The following SLC14A2 variants were observed in gnomAD, a reference collection of about 807,000 sequenced individuals.
SLC14A2 encodes solute carrier family 14 member 2.
SLC14A2 carries 91 observed loss-of-function variants against 104.6 expected under a neutral mutation model. That is an observed-to-expected ratio of 0.87 (90% CI 0.73 to 1.04). The LOEUF (loss-of-function observed/expected upper bound fraction) is 1.04, where lower values mean the gene tolerates loss of function less well. Among genes scored for constraint, SLC14A2 ranks in the 50% least tolerant of loss-of-function variants. SLC14A2 has a pLI of 0.00. For missense variants in SLC14A2, 1,189 were observed against 1,156.0 expected, an observed-to-expected ratio of 1.03 and a Z score of -0.41; for synonymous variants, 476 against 466.4, an observed-to-expected ratio of 1.02 and a Z score of -0.27.
At chr18:45,662,356 G>T (rs547476215) in intron 10 of SLC14A2, among the ~76,000 whole-genome samples, 15 of 152,170 alleles carry the variant, frequency 9.9e-5, no homozygotes, top group Non-Finnish European at 2.1e-4. Context: ...ATGCCCCACA[G>T]ACCCTCTTGT....
At chr18:45,648,602 C>T (rs7232215) in intron 10 of SLC14A2, among the ~76,000 whole-genome samples, 82,000 of 151,970 alleles carry the variant, frequency 0.54, 22,840 homozygotes, top group African/African-American at 0.68. Context: ...TTTTAACCTT[C>T]ATCATTTCTT....
chr18:45,376,504 G>A (rs1403283293), intron 1 of SLC14A2, among the ~76,000 whole-genome samples: 1 of 152,082 alleles, frequency 6.6e-6, no homozygotes, highest in Non-Finnish European at 1.5e-5. Flanking sequence ...GAGAATTAAG[G>A]GAAGTACAAA....
In SLC14A2 at chr18:45,682,192, T is replaced by A. The variant is rs534264792; in HGVS notation, c.2563-127T>A. ...GGCATGATTTTATTTATATTGGTCA[T>A]CAATGAAGTATCAATGCCCTCAAAG... is the stretch of plus-strand genomic sequence containing the variant. On this transcript the variant is annotated intron_variant, in intron 19 of 19. Transcript: ENST00000255226. The A allele has an allele frequency of 5.1e-6, 4 of 782,526 alleles. No individual in the cohort carries two copies. In the Admixed American group the frequency reaches 5.7e-5, roughly 11 times the overall value. The allele number at this position is 782,526 out of a possible 1,614,324, so 48.5% of individuals were successfully genotyped here.
intron 2 of SLC14A2, among the ~76,000 whole-genome samples, chr18:45,508,877 A>C (rs1195531150): frequency 1.3e-5 from 2 of 152,232 alleles, no homozygotes; most frequent in Admixed American, 1.3e-4. Flanking sequence ...AAAAATATGT[A>C]AACATGTAAA....
chr18:45,652,642 T>C (rs1313476134), intron 10 of SLC14A2, among the ~76,000 whole-genome samples: 2 of 152,192 alleles, frequency 1.3e-5, no homozygotes, highest in Non-Finnish European at 1.5e-5. Flanking sequence ...GCCACGAGCA[T>C]TGTGAAGAAA....
chr18:45,254,184 T>A (rs975792178), intron 1 of SLC14A2, among the ~76,000 whole-genome samples: 6 of 152,354 alleles, frequency 3.9e-5, no homozygotes, highest in African/African-American at 1.2e-4. Context: ...TCTTGCCAGC[T>A]GGCCATGTGC....
chr18:45,192,007 A>G, the SLC14A2 span, among the ~76,000 whole-genome samples: 12 of 152,156 alleles, frequency 7.9e-5, no homozygotes, highest in African/African-American at 1.9e-4. Flanking sequence ...TGTAAATAAA[A>G]CTTGTCTATT....
chr18:45,194,226 G>A, the SLC14A2 span, among the ~76,000 whole-genome samples: 1 of 152,114 alleles, frequency 6.6e-6, no homozygotes, highest in Non-Finnish European at 1.5e-5. Flanking sequence ...AGAATCTCCA[G>A]TATAATGCTG....
chr18:45,528,438 C>T (rs1359890049), intron 2 of SLC14A2: 2 of 152,130 alleles, frequency 1.3e-5, no homozygotes, highest in East Asian at 1.9e-4. Flanking sequence ...GACTAAAGAC[C>T]TTCGAACATC....
chr18:45,170,157 C>A, the SLC14A2 span, among the ~76,000 whole-genome samples: 2 of 152,092 alleles, frequency 1.3e-5, no homozygotes, highest in African/African-American at 2.4e-5. Context: ...ACTCTGCTCC[C>A]GAGCATTGTT....
In SLC14A2 at chr18:45,682,508, G is replaced by A. The variant is rs368161253; in HGVS notation, c.2752G>A (p.Asp918Asn). The A allele has an allele frequency of 1.7e-5, 27 of 1,613,618 alleles. No individual in the cohort carries two copies. Among genetic ancestry groups the A allele is most frequent in the South Asian group, 4.4e-5 (4 of 91,068 alleles). The change falls in exon 20 of 20, where the codon GAT becomes AAT. Residue 918 changes from aspartate (D) to asparagine (N), a missense_variant. By Grantham distance (23) the Asp-to-Asn change is conservative (BLOSUM62 1). Transcript: ENST00000255226. The stretch of plus-strand genomic sequence containing the variant: ...AATCATAACAAAGTATCAGGCCTAC[G>A]ATGTCTCCTAAGTTTCCCTGTCTAA... ...ASIITKYQAY[D>N]VS
intron 1 of SLC14A2, among the ~76,000 whole-genome samples, chr18:45,225,586 A>G (rs903146019): frequency 1.1e-4 from 17 of 152,246 alleles, no homozygotes; most frequent in African/African-American, 3.9e-4. Flanking sequence ...CTTGGGCAGT[A>G]TGGCCATTCT....
intron 2 of SLC14A2, among the ~76,000 whole-genome samples, chr18:45,498,944 C>G (rs2043146744): frequency 6.6e-6 from 1 of 152,224 alleles, no homozygotes. Context: ...AATGTGTCAA[C>G]TTGTTTAAGC....
chr18:45,266,016 A>G (rs374956537), intron 1 of SLC14A2, among the ~76,000 whole-genome samples: 4 of 152,180 alleles, frequency 2.6e-5, no homozygotes, highest in African/African-American at 9.7e-5. Flanking sequence ...TTGATTAACA[A>G]CAAAAACAAC....
At chr18:45,536,013 G>A (rs2043775162) in intron 2 of SLC14A2, among the ~76,000 whole-genome samples, 1 of 152,212 alleles carries the variant, frequency 6.6e-6, no homozygotes, top group South Asian at 2.1e-4. Context: ...CACATCAACT[G>A]TGAATAAAAA....
chr18:45,278,058 A>G (rs757084496), intron 1 of SLC14A2, among the ~76,000 whole-genome samples: 1 of 152,120 alleles, frequency 6.6e-6, no homozygotes, highest in Non-Finnish European at 1.5e-5. Context: ...TTCCCCAAAC[A>G]CTCCTAAATT....
chr18:45,436,095 C>T (rs561373215), intron 1 of SLC14A2, among the ~76,000 whole-genome samples: 1 of 151,976 alleles, frequency 6.6e-6, no homozygotes, highest in African/African-American at 2.4e-5. Flanking sequence ...TAACACACTT[C>T]GAGTTTTGTG....
intron 2 of SLC14A2, among the ~76,000 whole-genome samples, chr18:45,497,145 T>TAC (rs940313692): frequency 5.9e-5 from 9 of 152,098 alleles, no homozygotes; most frequent in African/African-American, 2.2e-4. Flanking sequence ...TGTGTATATA[T>TAC]ACACACACAC....
intron 1 of SLC14A2, among the ~76,000 whole-genome samples, chr18:45,409,697 C>G (rs1174552733): frequency 6.6e-6 from 1 of 152,050 alleles, no homozygotes; most frequent in African/African-American, 2.4e-5. Flanking sequence ...AATGAAGAAG[C>G]AAAAAGATCA....
Sources: gnomAD v4.1 joint callset for allele counts (sites outside exome capture counted in the v4.1 genomes callset) on GRCh38, gnomAD v4.1.1 for gene constraint, MANE v1.5 for transcripts, NCBI Gene and HGNC (gene_info 2026-07-23, HGNC 2026-07-21) for gene names.